Variants in ZKSCAN5 observed in about 807,000 individuals in gnomAD.
ZKSCAN5 encodes zinc finger with KRAB and SCAN domains 5, also known as zinc finger protein with KRAB and SCAN domains 5.
ZKSCAN5 carries 28 observed loss-of-function variants against 60.0 expected under a neutral mutation model. The observed-to-expected ratio is 0.47, with a 90% CI of 0.35 to 0.64. The LOEUF is 0.64. Among genes scored for constraint, ZKSCAN5 ranks in the 30% least tolerant of loss-of-function variants. The pLI, the probability that ZKSCAN5 is intolerant of heterozygous loss-of-function variation, is 0.01. For synonymous variants in ZKSCAN5, 361 were observed against 371.2 expected (o/e 0.97, Z 0.31); for missense variants, 881 against 1,034.6 (o/e 0.85, Z 2.04).
chr7:99,529,992 C>A (rs1243811028), intron 6 of ZKSCAN5, among the ~76,000 whole-genome samples: 1 of 149,988 alleles, frequency 6.7e-6, no homozygotes, highest in Non-Finnish European at 1.5e-5. Context: ...CCTCGGCTTC[C>A]CAAAGTTCTG....
rs574767248 is a variant in ZKSCAN5 at position 99,529,084 on chromosome 7, C to T, written c.1379-2024C>T. Among the ~76,000 whole-genome samples the T allele has an allele frequency of 7.2e-4, 109 of 152,266 alleles. 1 individual carries two copies. The highest frequency in any genetic ancestry group is 2.5e-3 in the African/African-American group (105 of 41,550). On this transcript the variant is annotated intron_variant, in intron 6 of 6. Transcript: ENST00000326775. ...CCTGACTGCATACCCTCTTCATCAT[C>T]CTTCACTCTCATTCTTCCAGTTTTT... is the stretch of plus-strand genomic sequence containing the variant.
chr7:99,526,544 C>A, intron 6 of ZKSCAN5, 126 bp downstream of exon 6: 2 of 1,428,920 alleles, frequency 1.4e-6, no homozygotes, highest in Non-Finnish European at 9.4e-7. Flanking sequence ...CAAAGGTTAT[C>A]GTTTATTTGG....
intron 5 of ZKSCAN5, 105 bp from the exon 6 acceptor site, chr7:99,525,708 A>G (rs956982523): frequency 7.0e-7 from 1 of 1,438,664 alleles, no homozygotes. Context: ...CCTTTACAGA[A>G]TCATGGATCC....
At chr7:99,516,742 C>G (rs1312316821) in intron 3 of ZKSCAN5, among the ~76,000 whole-genome samples, 1 of 152,042 alleles carries the variant, frequency 6.6e-6, no homozygotes, top group Admixed American at 6.6e-5. Flanking sequence ...GGGAAAGCAC[C>G]CTGTCTCCCC....
chr7:99,531,143 G>A lies in ZKSCAN5; in HGVS notation c.1414G>A (p.Val472Ile), dbSNP rs1387222420. The change falls in exon 7 of 7, where the codon GTT becomes ATT. Residue 472 changes from valine (V) to isoleucine (I), a missense_variant. Physicochemically the swap from Val to Ile is conservative, Grantham distance 29 (BLOSUM62 3). Coordinates refer to ENST00000326775, the MANE Select transcript of ZKSCAN5 (RefSeq NM_145102.4). ...AAGAAGTAAGAACACAAAATTAAGT[G>A]TTAAGAAGAAAATTTCAGAATATTC... ...DKRSKNTKLS[V>I]KKKISEYSEA... 3.7e-6 allele frequency: 6 copies of A among 1,602,124 alleles called. No homozygotes were observed. Among genetic ancestry groups the A allele is most frequent in the Non-Finnish European group, 5.1e-6 (6 of 1,176,550 alleles).
At chr7:99,517,956 G>A (rs762447148) in intron 3 of ZKSCAN5, among the ~76,000 whole-genome samples, 5 of 152,214 alleles carry the variant, frequency 3.3e-5, no homozygotes, top group Non-Finnish European at 7.3e-5. Flanking sequence ...CTTTTCCAAG[G>A]TAAGAATTGT....
At chr7:99,510,375 T>G (rs1434466418) in intron 2 of ZKSCAN5, among the ~76,000 whole-genome samples, 1 of 152,090 alleles carries the variant, frequency 6.6e-6, no homozygotes, top group Non-Finnish European at 1.5e-5. Context: ...TTTAAAATTT[T>G]TATACAGTTA....
chr7:99,518,799 C>T (rs1311963081), intron 3 of ZKSCAN5, among the ~76,000 whole-genome samples: 2 of 145,198 alleles, frequency 1.4e-5, no homozygotes, highest in Admixed American at 7.0e-5. Context: ...CCTCAGTCTC[C>T]TGAGCAGCTG....
chr7:99,512,132 C>G (rs531874125), intron 2 of ZKSCAN5, among the ~76,000 whole-genome samples: 1 of 152,274 alleles, frequency 6.6e-6, no homozygotes, highest in African/African-American at 2.4e-5. Flanking sequence ...CGGGACACTT[C>G]CTCCAGAAAG....
At chr7:99,529,302 T>C (rs1008937603) in intron 6 of ZKSCAN5, among the ~76,000 whole-genome samples, 19 of 151,754 alleles carry the variant, frequency 1.3e-4, no homozygotes, top group Admixed American at 1.1e-3. Context: ...CACGATCCCT[T>C]GCTAATTTTT....
rs188247104 is a variant in ZKSCAN5 at position 99,510,441 on chromosome 7, T to A, written c.415-2012T>A. ...TTTGTTTATTTTTTATTTTTATTTA[T>A]TTAATTTAATATTTTTTTTTGAGAT... On this transcript the variant is annotated intron_variant, in intron 2 of 6. Transcript: ENST00000326775. Among the ~76,000 whole-genome samples the A allele has an allele frequency of 1.2e-3, 175 of 152,130 alleles. 3 individuals are homozygous for A. In the East Asian group the frequency reaches 0.028, roughly 25 times the overall value.
In ZKSCAN5 at chr7:99,531,758, A is replaced by G. The variant is rs772091323; in HGVS notation, c.2029A>G (p.Ile677Val). The G allele has an allele frequency of 6.2e-7, 1 of 1,614,216 alleles. No individual in the cohort carries two copies. Among genetic ancestry groups the G allele is most frequent in the Non-Finnish European group, 8.5e-7 (1 of 1,180,038 alleles). ...AATCTTTTTTCAGTACGTTAGCCTA[A>G]TTGAACATCAGGTGCTCCACATGGG... The part of the protein sequence containing the change: ...GEIFFQYVSL[I>V]EHQVLHMGQK... The change falls in exon 7 of 7, where the codon ATT becomes GTT. Residue 677 changes from isoleucine (I) to valine (V), a missense_variant. Physicochemically the swap from Ile to Val is conservative, Grantham distance 29 (BLOSUM62 3). Around this residue, in one of 5 missense-constraint regions of ZKSCAN5, gnomAD observed 112 missense variants for 182.4 expected, o/e 0.61. Transcript: ENST00000326775.
intron 2 of ZKSCAN5, among the ~76,000 whole-genome samples, chr7:99,510,109 A>T (rs764274897): frequency 4.5e-4 from 68 of 151,916 alleles, no homozygotes; most frequent in African/African-American, 1.1e-3. Context: ...TTAAACAAAA[A>T]TTTTTTTGTA....
Position 99,526,146 on chromosome 7 carries a change from C to G in ZKSCAN5, c.1106C>G (p.Thr369Ser). 1 of 1,614,228 alleles carries G rather than the reference C, an allele frequency of 6.2e-7. No individual in the cohort carries two copies. Among genetic ancestry groups the G allele is most frequent in the Non-Finnish European group, 8.5e-7 (1 of 1,180,046 alleles). ...TTTATTCAGCATCGGCGCATCCACA[C>G]TGGAGAAAAACCGTTTAAGTGCGGA... ...SNFIQHRRIH[T>S]GEKPFKCGEC... Residue 369 changes from threonine to serine, a missense_variant, in exon 6 of 7, where the codon ACT becomes AGT. Around this residue, in one of 5 missense-constraint regions of ZKSCAN5, gnomAD observed 490 missense variants for 554.5 expected, o/e 0.88. Coordinates refer to ENST00000326775, the MANE Select transcript of ZKSCAN5 (RefSeq NM_145102.4).
In ZKSCAN5 at chr7:99,532,089, A is replaced by G. The variant is rs771746791; in HGVS notation, c.2360A>G (p.His787Arg). Residue 787 changes from histidine to arginine, a missense_variant, in exon 7 of 7, where the codon CAT becomes CGT. His to Arg is a conservative substitution (Grantham distance 29). This residue lies in a region of ZKSCAN5 where 138 missense variants were observed against 143.8 expected (regional missense o/e 0.96). Coordinates refer to ENST00000326775, the MANE Select transcript of ZKSCAN5 (RefSeq NM_145102.4). Reference sequence around the variant, plus strand: ...GGCAGAGGCTTCACTCTGAAGTCACATCTTAATCAACATCAGAGAATCCAT... The same window carrying G: ...GGCAGAGGCTTCACTCTGAAGTCACGTCTTAATCAACATCAGAGAATCCAT... ...ECGRGFTLKS[H>R]LNQHQRIHTG... 2 of 1,614,240 alleles carry G rather than the reference A, an allele frequency of 1.2e-6. No individual in the cohort carries two copies. The highest frequency in any genetic ancestry group is 2.2e-5 in the East Asian group (1 of 44,888).
intron 3 of ZKSCAN5, among the ~76,000 whole-genome samples, chr7:99,517,620 G>A (rs1009866904): frequency 2.0e-5 from 3 of 152,130 alleles, no homozygotes; most frequent in Non-Finnish European, 4.4e-5. Flanking sequence ...GGCGGAGGTT[G>A]CAGTTGGCCA....
chr7:99,520,115 C>T, intron 4 of ZKSCAN5, 54 bp from the exon 5 acceptor site: 5 of 1,599,140 alleles, frequency 3.1e-6, no homozygotes, highest in Non-Finnish European at 4.3e-6. Flanking sequence ...TTCTTCCCCT[C>T]ACTCCAAATT....
chr7:99,510,403 A>G (rs778712321), intron 2 of ZKSCAN5, among the ~76,000 whole-genome samples: 15 of 151,814 alleles, frequency 9.9e-5, no homozygotes, highest in Non-Finnish European at 1.9e-4. Flanking sequence ...ATTTCATTTT[A>G]TGGTTAATGG....
rs747248995 is a variant in ZKSCAN5 at position 99,526,275 on chromosome 7, G to A, written c.1235G>A (p.Arg412Gln). The A allele has an allele frequency of 1.5e-5, 25 of 1,613,472 alleles. No individual in the cohort carries two copies. The highest frequency in any genetic ancestry group is 1.8e-5 in the Non-Finnish European group (21 of 1,180,020). The change falls in exon 6 of 7, where the codon CGG becomes CAG. Residue 412 changes from arginine (R) to glutamine (Q), a missense_variant. Around this residue, in one of 5 missense-constraint regions of ZKSCAN5, gnomAD observed 490 missense variants for 554.5 expected, o/e 0.88. Transcript: ENST00000326775. ...TGTCAGGTGTGCGGAAAGGCTTTCC[G>A]GGTGAGTTCCCACCTGGTTCAGCAC... is the stretch of plus-strand genomic sequence containing the variant. ...YKCQVCGKAFRVSSHLVQHHS... is the reference protein window; with the variant it reads ...YKCQVCGKAFQVSSHLVQHHS...
Sources: allele counts gnomAD v4.1 joint callset (sites outside exome capture counted in the v4.1 genomes callset), GRCh38; gene constraint gnomAD v4.1.1; regional missense constraint gnomAD v4.1.1; transcripts MANE v1.5; gene names NCBI Gene and HGNC (gene_info 2026-07-23, HGNC 2026-07-21).